Variants in ZC3H12B observed in about 807,000 individuals in gnomAD.
ZC3H12B encodes the protein probable ribonuclease ZC3H12B.
A neutral mutation model predicts 43.9 loss-of-function variants in ZC3H12B; 7 were observed. That is an observed-to-expected ratio of 0.16 (90% confidence interval 0.09 to 0.30). The LOEUF (loss-of-function observed/expected upper bound fraction) is 0.30, where lower values mean the gene tolerates loss of function less well. Ranked by LOEUF, ZC3H12B falls within the 10% of genes least tolerant of loss-of-function variation. The probability of loss-of-function intolerance (pLI) is 1.00; values close to 1 mark genes in which losing one functional copy is unlikely to be tolerated. For synonymous variants in ZC3H12B, 222 were observed against 241.7 expected (o/e 0.92, Z 0.76); for missense variants, 475 against 670.2 (o/e 0.71, Z 3.22).
chrX:65,475,385 C>T (rs2067978925), intron 3 of ZC3H12B, among the ~76,000 whole-genome samples: 1 of 110,160 alleles, frequency 9.1e-6, no homozygotes, highest in African/African-American at 3.3e-5. Context: ...GAAAAGGTTT[C>T]CCTTCTTTAT....
the ZC3H12B span, among the ~76,000 whole-genome samples, chrX:65,223,618 G>C: frequency 8.9e-6 from 1 of 112,236 alleles, no homozygotes; most frequent in East Asian, 2.8e-4. Flanking sequence ...AAACAAATTA[G>C]CAAGAAGTAA....
the ZC3H12B span, among the ~76,000 whole-genome samples, chrX:65,242,397 CAAATA>C: frequency 1.2e-4 from 13 of 111,187 alleles, no homozygotes; most frequent in South Asian, 1.9e-3. Flanking sequence ...ACAATAGCCA[CAAATA>C]AAATAAAGTA....
At chrX:65,385,207 G>C (rs1049696831) in intron 2 of ZC3H12B, among the ~76,000 whole-genome samples, 1 of 112,115 alleles carries the variant, frequency 8.9e-6, no homozygotes, top group African/African-American at 3.2e-5. Context: ...TAGCACGATG[G>C]GGATGGCATT....
the ZC3H12B span, among the ~76,000 whole-genome samples, chrX:65,156,376 A>T: frequency 9.1e-6 from 1 of 110,476 alleles, no homozygotes; most frequent in Non-Finnish European, 1.9e-5. Flanking sequence ...AAATTTTTTA[A>T]ACTTTTTGTT....
At chrX:65,378,200 T>G (rs1484656604) in intron 2 of ZC3H12B, among the ~76,000 whole-genome samples, 1 of 111,584 alleles carries the variant, frequency 9.0e-6, no homozygotes, top group Non-Finnish European at 1.9e-5. Flanking sequence ...GCTTGTAAAC[T>G]TCCCCATCTT....
chrX:65,340,218 C>G, the ZC3H12B span, among the ~76,000 whole-genome samples: 1 of 112,242 alleles, frequency 8.9e-6, no homozygotes, highest in Non-Finnish European at 1.9e-5. Flanking sequence ...CTAACACCAC[C>G]ACCAGAACAA....
chrX:65,047,303 G>C, the ZC3H12B span, among the ~76,000 whole-genome samples: 1 of 111,469 alleles, frequency 9.0e-6, no homozygotes, highest in Non-Finnish European at 1.9e-5. Context: ...AATGTACAGG[G>C]AGATCCTGTT....
chrX:65,074,185 C>G, the ZC3H12B span, among the ~76,000 whole-genome samples: 4 of 111,358 alleles, frequency 3.6e-5, no homozygotes, highest in Admixed American at 9.5e-5. Context: ...GTGATGAACT[C>G]TCTCTGCTTT....
intron 2 of ZC3H12B, among the ~76,000 whole-genome samples, chrX:65,369,383 T>C (rs73629438): frequency 0.14 from 15,952 of 111,460 alleles, 2,746 homozygotes; most frequent in African/African-American, 0.49. Context: ...AAAAACTATC[T>C]TAAGCAGGTT....
At chrX:65,132,876 C>T in the ZC3H12B span, among the ~76,000 whole-genome samples, 1 of 111,022 alleles carries the variant, frequency 9.0e-6, no homozygotes, top group Non-Finnish European at 1.9e-5. Flanking sequence ...AGGAGGCTTC[C>T]GAGGTGATTG....
chrX:65,413,724 CT>C (rs1202015232), intron 3 of ZC3H12B, among the ~76,000 whole-genome samples: 1 of 111,770 alleles, frequency 8.9e-6, no homozygotes, highest in African/African-American at 3.3e-5. Flanking sequence ...AGTCCTCCAA[CT>C]TTTTTCTTAC....
the ZC3H12B span, among the ~76,000 whole-genome samples, chrX:65,282,119 G>A: frequency 9.0e-6 from 1 of 111,153 alleles, no homozygotes; most frequent in Non-Finnish European, 1.9e-5. Flanking sequence ...GGCTATATAT[G>A]AAAAGCCCAC....
At position 65,381,881 on chromosome X, in the gene ZC3H12B, A is replaced by C. The variant is rs773311714; in HGVS notation, n.295+12883A>C. On this transcript the variant is annotated intron_variant and non_coding_transcript_variant, in intron 2 of 5. Coordinates refer to the ZC3H12B transcript ENST00000617377. ...GAAATGGATAAATTCCTCGACACAT[A>C]CACTCTCCCAAGACTAAACCAGGAA... Among the ~76,000 whole-genome samples the C allele has an allele frequency of 2.7e-5, 3 of 111,873 alleles. No homozygotes were observed. The South Asian group carries it at 1.1e-3, about 42-fold the overall frequency.
the ZC3H12B span, among the ~76,000 whole-genome samples, chrX:65,227,868 C>T: frequency 0.015 from 1,668 of 111,394 alleles, 12 homozygotes; most frequent in Non-Finnish European, 0.02. Context: ...CAATAAGAGG[C>T]TCTGAAATTG....
At chrX:65,121,745 G>A in the ZC3H12B span, among the ~76,000 whole-genome samples, 1 of 111,016 alleles carries the variant, frequency 9.0e-6, no homozygotes, top group Non-Finnish European at 1.9e-5. Flanking sequence ...TGATGTTAAG[G>A]TGTCAATTTT....
chrX:65,253,812 G>A, the ZC3H12B span, among the ~76,000 whole-genome samples: 201 of 112,042 alleles, frequency 1.8e-3, no homozygotes, highest in African/African-American at 6.2e-3. Context: ...CAGCACACTG[G>A]CATCTTTCTC....
At chrX:65,282,159 C>A in the ZC3H12B span, among the ~76,000 whole-genome samples, 7 of 110,825 alleles carry the variant, frequency 6.3e-5, no homozygotes, top group African/African-American at 2.0e-4. Context: ...ACTTAGAAAG[C>A]AAAATCTTAG....
chrX:65,254,589 G>A, the ZC3H12B span, among the ~76,000 whole-genome samples: 1 of 112,228 alleles, frequency 8.9e-6, no homozygotes, highest in South Asian at 3.7e-4. Context: ...AAAGATTGAA[G>A]GAACATCAGC....
At chrX:65,241,364 G>A in the ZC3H12B span, among the ~76,000 whole-genome samples, 3 of 111,381 alleles carry the variant, frequency 2.7e-5, no homozygotes, top group South Asian at 7.6e-4. Context: ...GCATTGTGGG[G>A]GGACTCCTCA....
Sources: gnomAD v4.1 joint callset for allele counts (sites outside exome capture counted in the v4.1 genomes callset) on GRCh38, gnomAD v4.1.1 for gene constraint, MANE v1.5 for transcripts, NCBI Gene and HGNC (gene_info 2026-07-23, HGNC 2026-07-21) for gene names.